Variants in ARHGAP15 observed in about 807,000 individuals in gnomAD.
ARHGAP15 encodes the protein Rho GTPase activating protein 15, also known as rho GTPase-activating protein 15.
ARHGAP15 carries 51 observed loss-of-function variants against 63.7 expected under a neutral mutation model. The observed-to-expected ratio is 0.80, with a 90% confidence interval of 0.64 to 1.01. ARHGAP15 has a LOEUF of 1.01. Ranked by LOEUF, ARHGAP15 falls within the 50% of genes least tolerant of loss-of-function variation. ARHGAP15 has a pLI of 0.00. For missense variants in ARHGAP15, 560 were observed against 564.6 expected, an observed-to-expected ratio of 0.99 and a Z score of 0.08; for synonymous variants, 191 against 193.8, an observed-to-expected ratio of 0.99 and a Z score of 0.12.
intron 12 of ARHGAP15, among the ~76,000 whole-genome samples, chr2:143,652,296 C>CA (rs1207565095): frequency 6.6e-6 from 1 of 151,810 alleles, no homozygotes; most frequent in Non-Finnish European, 1.5e-5. Flanking sequence ...ACTTGCAGTG[C>CA]AAAAAACAGC....
chr2:143,204,645 C>T (rs989337411), intron 3 of ARHGAP15, among the ~76,000 whole-genome samples: 1 of 152,184 alleles, frequency 6.6e-6, no homozygotes, highest in African/African-American at 2.4e-5. Context: ...ACTCAAAATC[C>T]TCCCTGGCTT....
intron 6 of ARHGAP15, among the ~76,000 whole-genome samples, chr2:143,403,408 C>T (rs1371375010): frequency 6.6e-6 from 1 of 151,738 alleles, no homozygotes; most frequent in African/African-American, 2.4e-5. Flanking sequence ...TTCTAATTTT[C>T]AAACTCCATC....
At chr2:143,437,735 T>C (rs78422129) in intron 8 of ARHGAP15, among the ~76,000 whole-genome samples, 2,681 of 152,118 alleles carry the variant, frequency 0.018, 40 homozygotes, top group African/African-American at 0.041. Context: ...AAAGAAAAGG[T>C]AGACATCTGG....
At chr2:143,483,083 G>A (rs1256353467) in intron 8 of ARHGAP15, among the ~76,000 whole-genome samples, 2 of 152,198 alleles carry the variant, frequency 1.3e-5, no homozygotes, top group Non-Finnish European at 2.9e-5. Flanking sequence ...TTCTCAGTAT[G>A]TATGAGAAGG....
At chr2:143,239,696 T>G (rs1264301326) in intron 5 of ARHGAP15, among the ~76,000 whole-genome samples, 1 of 152,156 alleles carries the variant, frequency 6.6e-6, no homozygotes, top group Non-Finnish European at 1.5e-5. Context: ...CAAAAGTTTT[T>G]TTTTAAAAGA....
In ARHGAP15 at chr2:143,174,781, A is replaced by C. The variant is rs75887690; in HGVS notation, c.165+19126A>C. ...ATCTGGAGGGACAATGGAGCTACTC[A>C]ATGGTTCTTTCATATTCACATTTCC... On this transcript the variant is annotated intron_variant, in intron 2 of 13. Transcript: ENST00000295095. Among the ~76,000 whole-genome samples the C allele has an allele frequency of 7.7e-3, 1,174 of 152,240 alleles. 14 individuals are homozygous for C. The highest frequency in any genetic ancestry group is 0.027 in the African/African-American group (1,108 of 41,552).
intron 4 of ARHGAP15, among the ~76,000 whole-genome samples, chr2:143,220,208 T>G (rs544256101): frequency 6.6e-6 from 1 of 152,140 alleles, no homozygotes; most frequent in Non-Finnish European, 1.5e-5. Flanking sequence ...CTGTTGCTTG[T>G]CAATTTTTCT....
intron 2 of ARHGAP15, among the ~76,000 whole-genome samples, chr2:143,201,930 T>C (rs947354571): frequency 7.2e-5 from 11 of 152,088 alleles, no homozygotes; most frequent in Admixed American, 5.2e-4. Context: ...AAGAAGAGAA[T>C]TGGGTTTGAG....
intron 6 of ARHGAP15, among the ~76,000 whole-genome samples, chr2:143,376,709 T>G (rs1303567864): frequency 2.0e-5 from 3 of 151,960 alleles, no homozygotes; most frequent in Non-Finnish European, 4.4e-5. Context: ...ATATTTAATT[T>G]AAATTCATAC....
At chr2:143,471,186 ATATATACACACATATATGTG>A (rs1163728942) in intron 8 of ARHGAP15, among the ~76,000 whole-genome samples, 12 of 141,682 alleles carry the variant, frequency 8.5e-5, no homozygotes, top group African/African-American at 3.1e-4. Context: ...ATGTGTGTGT[ATATATACACACATATATGTG>A]TGTATATATA....
At chr2:143,500,271 T>C (rs1692997026) in intron 9 of ARHGAP15, among the ~76,000 whole-genome samples, 2 of 150,700 alleles carry the variant, frequency 1.3e-5, no homozygotes, top group Admixed American at 6.6e-5. Flanking sequence ...TTAATATTTA[T>C]ATATGAAGAA....
intron 13 of ARHGAP15, among the ~76,000 whole-genome samples, chr2:143,737,673 C>G (rs1229535169): frequency 6.6e-6 from 1 of 152,156 alleles, no homozygotes; most frequent in Non-Finnish European, 1.5e-5. Context: ...ACATAAGGAA[C>G]CATTCTTCCC....
At chr2:143,312,395 G>C (rs1054669691) in intron 6 of ARHGAP15, among the ~76,000 whole-genome samples, 3 of 151,762 alleles carry the variant, frequency 2.0e-5, no homozygotes, top group Admixed American at 1.3e-4. Flanking sequence ...TTGTTTTAAA[G>C]GTCTAACATT....
intron 12 of ARHGAP15, among the ~76,000 whole-genome samples, chr2:143,632,668 TAAAAATAA>T (rs1017725289): frequency 2.6e-5 from 4 of 152,244 alleles, no homozygotes; most frequent in Non-Finnish European, 2.9e-5. Flanking sequence ...CCTCATCAGA[TAAAAATAA>T]TACATTGCCC....
intron 6 of ARHGAP15, among the ~76,000 whole-genome samples, chr2:143,298,112 A>G (rs970570649): frequency 6.6e-6 from 1 of 151,976 alleles, no homozygotes; most frequent in African/African-American, 2.4e-5. Flanking sequence ...CTATTTATCT[A>G]TCAATTGCCA....
At chr2:143,527,732 C>T (rs1334698348) in intron 10 of ARHGAP15, among the ~76,000 whole-genome samples, 1 of 152,000 alleles carries the variant, frequency 6.6e-6, no homozygotes, top group South Asian at 2.1e-4. Flanking sequence ...TATAAGCCAA[C>T]TTCTCATATG....
intron 6 of ARHGAP15, among the ~76,000 whole-genome samples, chr2:143,418,298 TTCTC>T: frequency 6.6e-6 from 1 of 152,188 alleles, no homozygotes; most frequent in African/African-American, 2.4e-5. Flanking sequence ...GAGTTGTAGT[TTCTC>T]TTTTGCTGAG....
At chr2:143,167,268 T>C (rs1251071417) in intron 2 of ARHGAP15, among the ~76,000 whole-genome samples, 1 of 152,144 alleles carries the variant, frequency 6.6e-6, no homozygotes, top group East Asian at 1.9e-4. Context: ...TCATTAGTGT[T>C]ATTCTTATCT....
At chr2:143,381,798 T>C (rs1687063920) in intron 6 of ARHGAP15, among the ~76,000 whole-genome samples, 1 of 152,128 alleles carries the variant, frequency 6.6e-6, no homozygotes, top group African/African-American at 2.4e-5. Flanking sequence ...TCCTGAGCAA[T>C]AGATTCTTTC....
Sources: gnomAD v4.1 joint callset for allele counts (sites outside exome capture counted in the v4.1 genomes callset) on GRCh38, gnomAD v4.1.1 for gene constraint, MANE v1.5 for transcripts, NCBI Gene and HGNC (gene_info 2026-07-23, HGNC 2026-07-21) for gene names.